Variants in PALLD observed in about 807,000 individuals in gnomAD.
PALLD encodes the protein palladin.
PALLD carries 61 observed loss-of-function variants against 123.5 expected under a neutral mutation model. The ratio of observed to expected loss-of-function variants is 0.49; its 90% CI spans 0.40 to 0.61. The LOEUF is 0.61. PALLD is among the 20% of genes least tolerant of loss of function. The pLI is 0.00. For synonymous variants in PALLD, 465 were observed against 496.4 expected, an observed-to-expected ratio of 0.94 and a Z score of 0.84; for missense variants, 1,273 against 1,377.0, an observed-to-expected ratio of 0.92 and a Z score of 1.20.
intron 2 of PALLD, among the ~76,000 whole-genome samples, chr4:168,544,548 T>A (rs886933418): frequency 6.6e-6 from 1 of 152,244 alleles, no homozygotes; most frequent in Admixed American, 6.5e-5. Context: ...TTACTTAGAA[T>A]TTTTTATCCT....
intron 2 of PALLD, among the ~76,000 whole-genome samples, chr4:168,604,980 G>A (rs530338853): frequency 7.9e-4 from 121 of 152,270 alleles, no homozygotes; most frequent in African/African-American, 2.8e-3. Context: ...AAGGAAAAAC[G>A]CCACAAAGCA....
Position 168,690,455 on chromosome 4 carries a change from C to G in PALLD, c.1336-148C>G, listed in dbSNP as rs1481039285. 12 of 945,302 alleles carry G rather than the reference C, an allele frequency of 1.3e-5. No homozygotes were observed. The Admixed American group carries it at 2.1e-4, about 16-fold the overall frequency. The allele number at this position is 945,302 out of a possible 1,614,324, so 58.6% of individuals were successfully genotyped here. A position where few individuals can be genotyped will look rare whatever the true frequency, so the allele number is the denominator to read the frequency against. On this transcript the variant is annotated intron_variant, in intron 6 of 21. Transcript: ENST00000505667. Reference sequence around the variant, plus strand: ...CAAAGGTGTTTATCCTTACCTGAGTCAGTGCTAATTATTTGATGATGCAAG... The same window carrying G: ...CAAAGGTGTTTATCCTTACCTGAGTGAGTGCTAATTATTTGATGATGCAAG...
intron 2 of PALLD, among the ~76,000 whole-genome samples, chr4:168,525,432 G>A (rs2149466261): frequency 6.6e-6 from 1 of 152,252 alleles, no homozygotes; most frequent in South Asian, 2.1e-4. Flanking sequence ...TTCATCAGGG[G>A]GCCACATGGT....
chr4:168,926,861 AAGAAG>A lies in PALLD; in HGVS notation c.*685_*689del, dbSNP rs1316783497. On this transcript the variant is annotated 3_prime_UTR_variant, in exon 22 of 22. Coordinates refer to ENST00000505667, the MANE Select transcript of PALLD (RefSeq NM_001166108.2). ...CAAGTGCAATATGTAAGGATGAAAG[AAGAAG>A]AGATGACAAAGAAATCCAAGTAAAT... 8 of 220,968 alleles carry A rather than the reference AAGAAG, an allele frequency of 3.6e-5. No individual in the cohort carries two copies. Among genetic ancestry groups the A allele is most frequent in the African/African-American group, 1.8e-4 (8 of 44,700 alleles). 13.7% of individuals were successfully genotyped at this position (220,968 alleles called of 1,614,324 possible).
At chr4:168,920,003 T>C (rs1761110440) in intron 17 of PALLD, among the ~76,000 whole-genome samples, 1 of 152,198 alleles carries the variant, frequency 6.6e-6, no homozygotes, top group Non-Finnish European at 1.5e-5. Flanking sequence ...TCTCTCCTAC[T>C]AAACATACTG....
At chr4:168,812,076 A>G (rs940613586) in intron 10 of PALLD, among the ~76,000 whole-genome samples, 7 of 152,218 alleles carry the variant, frequency 4.6e-5, no homozygotes, top group African/African-American at 1.7e-4. Context: ...GTATTTCCAT[A>G]AAAGAAGAGA....
At chr4:168,587,952 G>A (rs17707379) in intron 2 of PALLD, among the ~76,000 whole-genome samples, 43,834 of 151,824 alleles carry the variant, frequency 0.29, 6,589 homozygotes, top group East Asian at 0.53. Context: ...ACTGCGAGGC[G>A]TGTCACAAGA....
At chr4:168,538,099 C>T (rs1027686510) in intron 2 of PALLD, among the ~76,000 whole-genome samples, 1 of 152,166 alleles carries the variant, frequency 6.6e-6, no homozygotes, top group African/African-American at 2.4e-5. Flanking sequence ...TGTGCTTATA[C>T]ATAGGCATCA....
At chr4:168,707,248 A>G (rs1784314831) in intron 8 of PALLD, among the ~76,000 whole-genome samples, 1 of 152,216 alleles carries the variant, frequency 6.6e-6, no homozygotes, top group Non-Finnish European at 1.5e-5. Context: ...CTACTGCAAT[A>G]CAGTAGAGCA....
At chr4:168,521,279 AGT>A (rs1468670949) in intron 2 of PALLD, among the ~76,000 whole-genome samples, 1 of 152,206 alleles carries the variant, frequency 6.6e-6, no homozygotes, top group Non-Finnish European at 1.5e-5. Flanking sequence ...AGAAGCGCTT[AGT>A]GGTGGACAGT....
At chr4:168,572,743 G>A (rs1030859434) in intron 2 of PALLD, among the ~76,000 whole-genome samples, 1 of 151,670 alleles carries the variant, frequency 6.6e-6, no homozygotes, top group African/African-American at 2.4e-5. Flanking sequence ...ATCTGAACAC[G>A]CTTCTTGCCA....
chr4:168,891,588 T>G (rs1754154251), intron 11 of PALLD, among the ~76,000 whole-genome samples: 1 of 151,790 alleles, frequency 6.6e-6, no homozygotes, highest in African/African-American at 2.4e-5. Flanking sequence ...GCAAAAAACC[T>G]TTCTAAGAGT....
chr4:168,913,789 A>G, intron 15 of PALLD, 138 bp from the exon 16 acceptor site: 1 of 672,204 alleles, frequency 1.5e-6, no homozygotes, highest in Non-Finnish European at 2.7e-6. Context: ...TTTTCTGAAA[A>G]GGGTTAGTCA....
intron 18 of PALLD, 81 bp downstream of exon 18, chr4:168,921,822 C>A: frequency 2.7e-6 from 3 of 1,112,700 alleles, no homozygotes; most frequent in Non-Finnish European, 4.1e-6. Flanking sequence ...CATTACTAAC[C>A]AATACGGAAA....
At chr4:168,911,362 T>C (rs1758910698) in intron 15 of PALLD, among the ~76,000 whole-genome samples, 1 of 152,182 alleles carries the variant, frequency 6.6e-6, no homozygotes, top group South Asian at 2.1e-4. Flanking sequence ...TAACTTACCA[T>C]GGATCTTCTG....
intron 10 of PALLD, among the ~76,000 whole-genome samples, chr4:168,817,175 A>G (rs1055710036): frequency 1.4e-4 from 21 of 152,232 alleles, no homozygotes; most frequent in Admixed American, 5.2e-4. Flanking sequence ...TTGGCTTTTT[A>G]TAGACATGTG....
chr4:168,668,474 G>A (rs370693877), intron 3 of PALLD, 106 bp downstream of exon 3: 67 of 883,408 alleles, frequency 7.6e-5, no homozygotes, highest in Middle Eastern at 7.3e-4. Flanking sequence ...TGGCACAATG[G>A]TGTTCTAATT....
intron 8 of PALLD, 57 bp downstream of exon 8, chr4:168,691,349 T>A: frequency 7.1e-7 from 1 of 1,400,664 alleles, no homozygotes; most frequent in Non-Finnish European, 1.0e-6. Flanking sequence ...TAATGTATCT[T>A]TTGGGTCTCA....
chr4:168,706,647 G>C (rs968274396), intron 8 of PALLD, among the ~76,000 whole-genome samples: 3 of 152,166 alleles, frequency 2.0e-5, no homozygotes, highest in Admixed American at 1.3e-4. Flanking sequence ...ATGGGGAAAA[G>C]GAAAGGCTTT....
Sources: gnomAD v4.1 joint callset for allele counts (sites outside exome capture counted in the v4.1 genomes callset) on GRCh38, gnomAD v4.1.1 for gene constraint, MANE v1.5 for transcripts, NCBI Gene and HGNC (gene_info 2026-07-23, HGNC 2026-07-21) for gene names.